Variants in MIPEP observed in about 807,000 individuals in gnomAD.
MIPEP encodes the protein mitochondrial intermediate peptidase.
A neutral mutation model predicts 90.3 loss-of-function variants in MIPEP; 79 were observed. The observed-to-expected ratio is 0.87, with a 90% CI of 0.73 to 1.05. The LOEUF (loss-of-function observed/expected upper bound fraction) is 1.05, where lower values mean the gene tolerates loss of function less well. MIPEP is among the 50% of genes least tolerant of loss of function. The pLI is 0.00. For missense variants in MIPEP, 940 were observed against 905.6 expected (o/e 1.04, Z -0.49); for synonymous variants, 334 against 315.8 (o/e 1.06, Z -0.61).
chr13:23,799,043 G>C (rs1011217628), intron 16 of MIPEP, among the ~76,000 whole-genome samples: 2 of 115,430 alleles, frequency 1.7e-5, no homozygotes, highest in Non-Finnish European at 3.2e-5. Context: ...TTGCTCTGTC[G>C]CCCAAGCTGG....
chr13:23,740,995 G>A (rs1229930290), intron 18 of MIPEP, among the ~76,000 whole-genome samples: 2 of 152,254 alleles, frequency 1.3e-5, no homozygotes, highest in African/African-American at 4.8e-5. Context: ...CTCTGTGTAT[G>A]TGGCCAGGTG....
intron 4 of MIPEP, among the ~76,000 whole-genome samples, chr13:23,877,561 T>C (rs1305370175): frequency 6.6e-6 from 1 of 152,186 alleles, no homozygotes; most frequent in East Asian, 1.9e-4. Flanking sequence ...AGCAGGGAAA[T>C]ACATTGATAC....
At chr13:23,767,638 G>A (rs551453759) in intron 16 of MIPEP, among the ~76,000 whole-genome samples, 6 of 152,046 alleles carry the variant, frequency 3.9e-5, no homozygotes, top group Non-Finnish European at 8.8e-5. Flanking sequence ...ATTTTTAGTA[G>A]AGACGGGGTT....
At chr13:23,789,393 A>C (rs564255053) in intron 16 of MIPEP, among the ~76,000 whole-genome samples, 1 of 152,326 alleles carries the variant, frequency 6.6e-6, no homozygotes, top group African/African-American at 2.4e-5. Context: ...TTTCCATTTA[A>C]ATGTTTACTC....
chr13:23,878,998 A>G (rs2137532728), intron 4 of MIPEP, among the ~76,000 whole-genome samples: 1 of 152,324 alleles, frequency 6.6e-6, no homozygotes, highest in South Asian at 2.1e-4. Context: ...GATAGATGAT[A>G]GACAAATAAA....
At position 23,848,017 on chromosome 13, in the gene MIPEP, T is replaced by G. The variant is rs144398617; in HGVS notation, c.1107-6529A>C. ...GGAATCTCAGGCTCAAAGAGGCTTG[T>G]GACAGTCTAAGGCAATCTGGAATAC... is the stretch of plus-strand genomic sequence containing the variant. On this transcript the variant is annotated intron_variant, in intron 10 of 18. Transcript: ENST00000382172. 4.4e-3 allele frequency among the ~76,000 whole-genome samples: 677 copies of G among 152,316 alleles called. 3 individuals carry two copies. Among genetic ancestry groups the G allele is most frequent in the Non-Finnish European group, 7.6e-3 (520 of 68,022 alleles).
At chr13:23,806,295 G>T (rs757669707) in intron 15 of MIPEP, among the ~76,000 whole-genome samples, 1 of 152,144 alleles carries the variant, frequency 6.6e-6, no homozygotes, top group South Asian at 2.1e-4. Context: ...GAATATTAAA[G>T]AATTTTGAAC....
chr13:23,758,055 C>A (rs1952505130), intron 17 of MIPEP, among the ~76,000 whole-genome samples: 1 of 152,170 alleles, frequency 6.6e-6, no homozygotes, highest in Non-Finnish European at 1.5e-5. Flanking sequence ...ATGCTGACAT[C>A]AAACACTAGC....
intron 16 of MIPEP, among the ~76,000 whole-genome samples, chr13:23,770,577 G>C (rs979675590): frequency 1.6e-4 from 24 of 152,052 alleles, no homozygotes; most frequent in African/African-American, 4.8e-4. Flanking sequence ...TGCTCAATCA[G>C]GGCCTAACTC....
At chr13:23,822,132 G>T (rs1426011810) in intron 14 of MIPEP, among the ~76,000 whole-genome samples, 2 of 152,156 alleles carry the variant, frequency 1.3e-5, no homozygotes, top group African/African-American at 4.8e-5. Context: ...AAACATCGTG[G>T]GTGGTTTTTT....
At chr13:23,838,178 C>G (rs907888666) in intron 12 of MIPEP, among the ~76,000 whole-genome samples, 10 of 151,970 alleles carry the variant, frequency 6.6e-5, no homozygotes, top group Admixed American at 6.6e-4. Context: ...GGGTCTTGCT[C>G]TGTTGCCCAG....
chr13:23,839,172 G>A (rs1002113269), intron 12 of MIPEP, among the ~76,000 whole-genome samples: 2 of 152,184 alleles, frequency 1.3e-5, no homozygotes, highest in African/African-American at 2.4e-5. Context: ...AGTATCTTCC[G>A]CAGTTTTAGA....
At chr13:23,859,052 G>T (rs1870172881) in intron 9 of MIPEP, 140 bp from the exon 10 acceptor site, 3 of 719,012 alleles carry the variant, frequency 4.2e-6, no homozygotes, top group South Asian at 3.3e-5. Flanking sequence ...TTAAAAAATT[G>T]ATAGCTTGGC....
chr13:23,769,724 G>C (rs1952629704), intron 16 of MIPEP, among the ~76,000 whole-genome samples: 1 of 152,154 alleles, frequency 6.6e-6, no homozygotes, highest in Admixed American at 6.5e-5. Flanking sequence ...AAAGGAGAGG[G>C]ACAAATGGGA....
intron 9 of MIPEP, among the ~76,000 whole-genome samples, chr13:23,859,604 C>T (rs938108897): frequency 1.3e-5 from 2 of 152,182 alleles, no homozygotes; most frequent in African/African-American, 4.8e-5. Context: ...CTATAAACTG[C>T]ATGATGACAG....
At chr13:23,863,007 C>T (rs1870377993) in intron 8 of MIPEP, among the ~76,000 whole-genome samples, 1 of 152,096 alleles carries the variant, frequency 6.6e-6, no homozygotes, top group Non-Finnish European at 1.5e-5. Flanking sequence ...CAGTGGTTCA[C>T]CAGGATCATT....
chr13:23,870,378 T>C (rs1019065558), intron 5 of MIPEP, among the ~76,000 whole-genome samples, 183 bp from the exon 6 acceptor site: 38 of 151,532 alleles, frequency 2.5e-4, no homozygotes, highest in African/African-American at 8.8e-4. Flanking sequence ...AATTTTACTT[T>C]TAACAGATAT....
intron 17 of MIPEP, among the ~76,000 whole-genome samples, chr13:23,758,975 T>C (rs548797738): frequency 2.2e-4 from 33 of 152,310 alleles, no homozygotes; most frequent in Non-Finnish European, 3.7e-4. Context: ...GTGAATACTA[T>C]GTGAAAACTC....
chr13:23,825,499 G>C (rs906596388), intron 14 of MIPEP, among the ~76,000 whole-genome samples: 2 of 152,158 alleles, frequency 1.3e-5, no homozygotes, highest in Non-Finnish European at 2.9e-5. Context: ...GAAAGCACTA[G>C]AATGTTACTG....
Sources: gnomAD v4.1 joint callset for allele counts (sites outside exome capture counted in the v4.1 genomes callset) on GRCh38, gnomAD v4.1.1 for gene constraint, MANE v1.5 for transcripts, NCBI Gene and HGNC (gene_info 2026-07-23, HGNC 2026-07-21) for gene names.